MAP2K6: variants seen among roughly 807,000 people sequenced by gnomAD.
MAP2K6 encodes the protein dual specificity mitogen-activated protein kinase kinase 6.
A neutral mutation model predicts 53.7 loss-of-function variants in MAP2K6; 16 were observed. The ratio of observed to expected loss-of-function variants is 0.30; its 90% CI spans 0.20 to 0.45. The LOEUF is 0.45. Among genes scored for constraint, MAP2K6 ranks in the 20% least tolerant of loss-of-function variants. MAP2K6 has a pLI of 1.00. For missense variants in MAP2K6, 204 were observed against 411.9 expected, an observed-to-expected ratio of 0.50 and a Z score of 4.37; for synonymous variants, 132 against 143.1, an observed-to-expected ratio of 0.92 and a Z score of 0.55.
intron 10 of MAP2K6, among the ~76,000 whole-genome samples, chr17:69,533,520 TC>T (rs1911195285): frequency 6.6e-6 from 1 of 152,172 alleles, no homozygotes; most frequent in Non-Finnish European, 1.5e-5. Flanking sequence ...TGGGCCTGGG[TC>T]CTCAGTGAGA....
chr17:69,430,375 T>A (rs731606), intron 1 of MAP2K6, among the ~76,000 whole-genome samples: 12,755 of 152,056 alleles, frequency 0.084, 1,041 homozygotes, highest in East Asian at 0.43. Context: ...GAGAAGCCAA[T>A]TGGAAACCAG....
At chr17:69,508,907 T>C (rs928042404) in intron 2 of MAP2K6, among the ~76,000 whole-genome samples, 2 of 152,248 alleles carry the variant, frequency 1.3e-5, no homozygotes, top group Admixed American at 1.3e-4. Context: ...CCTTTGTCAA[T>C]ACCAATTGGG....
chr17:69,452,468 C>A (rs1319865673), intron 1 of MAP2K6, among the ~76,000 whole-genome samples: 1 of 152,104 alleles, frequency 6.6e-6, no homozygotes, highest in Non-Finnish European at 1.5e-5. Context: ...GAGAAGAGAC[C>A]TTTCATCTTG....
intron 1 of MAP2K6, among the ~76,000 whole-genome samples, chr17:69,417,795 G>A (rs1370906250): frequency 6.6e-6 from 1 of 152,216 alleles, no homozygotes; most frequent in East Asian, 1.9e-4. Flanking sequence ...GAGGGAGGGA[G>A]AGAAAGAGGG....
At chr17:69,426,802 A>G (rs898270950) in intron 1 of MAP2K6, among the ~76,000 whole-genome samples, 1 of 152,130 alleles carries the variant, frequency 6.6e-6, no homozygotes, top group Non-Finnish European at 1.5e-5. Context: ...GGATTTAAAA[A>G]AAAAAAAAGA....
At chr17:69,443,750 G>A (rs1008999656) in intron 1 of MAP2K6, among the ~76,000 whole-genome samples, 4 of 152,112 alleles carry the variant, frequency 2.6e-5, no homozygotes, top group East Asian at 1.9e-4. Flanking sequence ...TAGAGATTCC[G>A]ATAATGCAGA....
At chr17:69,521,193 A>G in intron 7 of MAP2K6, 93 bp downstream of exon 7, 2 of 1,107,914 alleles carry the variant, frequency 1.8e-6, no homozygotes, top group East Asian at 2.4e-5. Flanking sequence ...CCATGGGTGG[A>G]AGTAGAATTG....
chr17:69,453,867 A>G (rs1187871287), intron 1 of MAP2K6, among the ~76,000 whole-genome samples: 1 of 152,228 alleles, frequency 6.6e-6, no homozygotes, highest in South Asian at 2.1e-4. Context: ...GGGATAGCCC[A>G]GGCATCATTA....
chr17:69,514,893 A>T (rs774511809), intron 2 of MAP2K6, among the ~76,000 whole-genome samples: 13 of 152,116 alleles, frequency 8.5e-5, no homozygotes, highest in Non-Finnish European at 1.9e-4. Flanking sequence ...TTATTTATGT[A>T]TTCAATTTCA....
chr17:69,443,855 T>C (rs1906893909), intron 1 of MAP2K6, among the ~76,000 whole-genome samples: 1 of 152,076 alleles, frequency 6.6e-6, no homozygotes, highest in Admixed American at 6.5e-5. Flanking sequence ...ATAAGAGTTC[T>C]CCAGAAAGAG....
intron 1 of MAP2K6, among the ~76,000 whole-genome samples, chr17:69,495,110 A>C (rs1248392064): frequency 5.3e-5 from 8 of 151,852 alleles, no homozygotes; most frequent in Non-Finnish European, 1.0e-4. Flanking sequence ...AAAAAAAAAA[A>C]AAAAACAACA....
intron 1 of MAP2K6, among the ~76,000 whole-genome samples, chr17:69,453,627 T>G (rs1377492674): frequency 6.6e-6 from 1 of 152,270 alleles, no homozygotes; most frequent in Non-Finnish European, 1.5e-5. Context: ...TGCTTATTGA[T>G]TGATAATTTT....
At chr17:69,445,437 C>T (rs1056216688) in intron 1 of MAP2K6, among the ~76,000 whole-genome samples, 1 of 152,146 alleles carries the variant, frequency 6.6e-6, no homozygotes, top group African/African-American at 2.4e-5. Flanking sequence ...TGTGGACAGC[C>T]CTGCCTTGAT....
At chr17:69,481,550 A>G (rs1394540290) in intron 1 of MAP2K6, among the ~76,000 whole-genome samples, 2 of 152,166 alleles carry the variant, frequency 1.3e-5, no homozygotes, top group African/African-American at 4.8e-5. Flanking sequence ...GACTTAAATA[A>G]CAGAAATTTA....
intron 1 of MAP2K6, among the ~76,000 whole-genome samples, chr17:69,475,687 A>C (rs570058433): frequency 3.0e-4 from 45 of 152,326 alleles, no homozygotes; most frequent in African/African-American, 9.4e-4. Context: ...TGTAGCCTGC[A>C]TTCCTTCTTC....
At chr17:69,464,991 G>A (rs966449796) in intron 1 of MAP2K6, among the ~76,000 whole-genome samples, 3 of 152,138 alleles carry the variant, frequency 2.0e-5, no homozygotes, top group African/African-American at 7.2e-5. Flanking sequence ...TGGGATTATA[G>A]GCGTGAGCCA....
intron 7 of MAP2K6, chr17:69,521,920 C>G (rs1440432456): frequency 6.6e-6 from 1 of 151,592 alleles, no homozygotes; most frequent in Non-Finnish European, 1.5e-5. Context: ...GAGGGCGGAT[C>G]ACCTAAGGTC....
chr17:69,534,428 T>G (rs1247801706), intron 10 of MAP2K6, among the ~76,000 whole-genome samples: 1 of 152,158 alleles, frequency 6.6e-6, no homozygotes, highest in Non-Finnish European at 1.5e-5. Flanking sequence ...CTGCCCTCAG[T>G]TCCAGGTTGA....
chr17:69,476,833 TG>T (rs1257785123), intron 1 of MAP2K6, among the ~76,000 whole-genome samples: 1 of 152,154 alleles, frequency 6.6e-6, no homozygotes, highest in Non-Finnish European at 1.5e-5. Flanking sequence ...CATTCAGCAG[TG>T]GTAATAGCTA....
Sources: allele counts gnomAD v4.1 joint callset (sites outside exome capture counted in the v4.1 genomes callset), GRCh38; gene constraint gnomAD v4.1.1; transcripts MANE v1.5; gene names NCBI Gene and HGNC (gene_info 2026-07-23, HGNC 2026-07-21).